Variants in ANGPTL4 observed in about 807,000 individuals in gnomAD.
ANGPTL4 encodes angiopoietin like 4.
In ANGPTL4, 39 loss-of-function variants were observed where a neutral mutation model predicts 39.2. The observed-to-expected ratio is 1.00, with a 90% CI of 0.77 to 1.30. The LOEUF (loss-of-function observed/expected upper bound fraction) is 1.30. ANGPTL4 is among the 50% of genes most tolerant of loss of function. ANGPTL4 has a pLI of 0.00. For synonymous variants in ANGPTL4, 233 were observed against 229.5 expected (o/e 1.02, Z -0.14); for missense variants, 545 against 549.8 (o/e 0.99, Z 0.09).
chr19:8,373,947 G>T lies in ANGPTL4; in HGVS notation c.*61G>T. 5 of 1,583,160 alleles carry T rather than the reference G, an allele frequency of 3.2e-6. No homozygotes were observed. Among genetic ancestry groups the T allele is most frequent in the Non-Finnish European group, 4.3e-6 (5 of 1,157,592 alleles). On this transcript the variant is annotated 3_prime_UTR_variant, in exon 7 of 7. Coordinates refer to ENST00000301455, the MANE Select transcript of ANGPTL4 (RefSeq NM_139314.3). ...ACGGTGACTCTTGGCTCTGCCCGAG[G>T]ATGTGGCCGTTCCCTGCCTGGGCAG...
In ANGPTL4 at chr19:8,364,289, C is replaced by G; in HGVS notation, c.-33C>G. 6.5e-7 allele frequency: 1 copy of G among 1,529,228 alleles called. No homozygotes were observed. The highest frequency in any genetic ancestry group is 1.4e-5 in the African/African-American group (1 of 73,072). The allele number at this position is 1,529,228 out of a possible 1,614,324, so 94.7% of individuals were successfully genotyped here. A position where few individuals can be genotyped will look rare whatever the true frequency, so the allele number is the denominator to read the frequency against. On this transcript the variant is annotated 5_prime_UTR_variant, in exon 1 of 7. Transcript: ENST00000301455. ...CTGGAACCCCAACGTCCCCGAGAGT[C>G]CCCGAATCCCCGCTCCCAGGCTACC...
At chr19:8,368,864 A>G (rs1228030106) in intron 3 of ANGPTL4, among the ~76,000 whole-genome samples, 2 of 152,210 alleles carry the variant, frequency 1.3e-5, no homozygotes, top group African/African-American at 2.4e-5. Context: ...AAAAAACAAA[A>G]CAAAAAAAGA....
intron 3 of ANGPTL4, among the ~76,000 whole-genome samples, chr19:8,367,143 A>G (rs1227434995): frequency 6.6e-6 from 1 of 151,788 alleles, no homozygotes; most frequent in Non-Finnish European, 1.5e-5. Context: ...GGCTTCCAGC[A>G]CTGTAGACCT....
rs759670983 is a variant in ANGPTL4 at position 8,374,282 on chromosome 19, G to T, written c.*396G>T. On this transcript the variant is annotated 3_prime_UTR_variant, in exon 7 of 7. Transcript: ENST00000301455. ...GCGCCCTCATGGTGCTGGTGCTGTT[G>T]TGTGTAGGTCCCCTGGGGACACAAG... 2.4e-5 allele frequency: 6 copies of T among 254,806 alleles called. No homozygotes were observed. The highest frequency in any genetic ancestry group is 3.9e-5 in the Non-Finnish European group (5 of 128,720). The allele number at this position is 254,806 out of a possible 1,614,324, so 15.8% of individuals were successfully genotyped here.
chr19:8,364,831 T>C (rs1970967892), intron 1 of ANGPTL4, among the ~76,000 whole-genome samples, 192 bp downstream of exon 1: 1 of 150,902 alleles, frequency 6.6e-6, no homozygotes, highest in South Asian at 2.1e-4. Flanking sequence ...CAAGACCACC[T>C]AAAGCAAAAT....
At position 8,373,904 on chromosome 19, in the gene ANGPTL4, G is replaced by C; in HGVS notation, c.*18G>C. 1 of 1,611,962 alleles carries C rather than the reference G, an allele frequency of 6.2e-7. No homozygotes were observed. The highest frequency in any genetic ancestry group is 8.5e-7 in the Non-Finnish European group (1 of 1,179,540). The stretch of plus-strand genomic sequence containing the variant: ...CCTCCTAGCGTCCTGGCTGGGCCTG[G>C]TCCCAGGCCCACGAAAGACGGTGAC... On this transcript the variant is annotated 3_prime_UTR_variant, in exon 7 of 7. Coordinates refer to ENST00000301455, the MANE Select transcript of ANGPTL4 (RefSeq NM_139314.3).
intron 3 of ANGPTL4, 121 bp from the exon 4 acceptor site, chr19:8,369,093 CATGAG>C (rs1858625757): frequency 1.4e-6 from 1 of 690,904 alleles, no homozygotes; most frequent in African/African-American, 1.8e-5. Flanking sequence ...GAGAGGTGGT[CATGAG>C]ATAAGATTTG....
At chr19:8,370,594 TG>T (rs931880002) in intron 4 of ANGPTL4, among the ~76,000 whole-genome samples, 30 of 146,226 alleles carry the variant, frequency 2.1e-4, no homozygotes, top group African/African-American at 7.1e-4. Flanking sequence ...CAGCTGCTTG[TG>T]GGGCTGAAGC....
Position 8,370,945 on chromosome 19 carries a change from G to A in ANGPTL4, c.662-111G>A, listed in dbSNP as rs558280430. On this transcript the variant is annotated intron_variant, in intron 4 of 6. Transcript: ENST00000301455. ...TCGAGTCCTCCAGGGATGAGTGAGG[G>A]AGCTGCTGTCTTCCTGGGTTTGGAG... 487 of 1,154,744 alleles carry A rather than the reference G, an allele frequency of 4.2e-4. 2 individuals carry two copies. Among genetic ancestry groups the A allele is most frequent in the Middle Eastern group, 2.7e-3 (14 of 5,126 alleles). 71.5% of individuals were successfully genotyped at this position (1,154,744 alleles called of 1,614,324 possible).
intron 6 of ANGPTL4, among the ~76,000 whole-genome samples, chr19:8,373,220 C>A (rs1225794492): frequency 6.6e-6 from 1 of 152,118 alleles, no homozygotes; most frequent in African/African-American, 2.4e-5. Flanking sequence ...ACCTGGCCAA[C>A]ATGGTGAAAC....
intron 4 of ANGPTL4, among the ~76,000 whole-genome samples, chr19:8,370,700 T>TAAAAA (rs33922743): frequency 1.0e-5 from 1 of 99,232 alleles, no homozygotes; most frequent in Non-Finnish European, 2.0e-5. Context: ...ACTCCATCTC[T>TAAAAA]AAAAAAAAAA....
chr19:8,364,927 C>T (rs1023713564), intron 1 of ANGPTL4, among the ~76,000 whole-genome samples: 8 of 151,860 alleles, frequency 5.3e-5, no homozygotes, highest in Non-Finnish European at 1.2e-4. Context: ...AATTAAAAAA[C>T]GACCGGGCGC....
Position 8,371,446 on chromosome 19 carries a change from C to G in ANGPTL4, c.963C>G (p.Gly321=). Residue 321 remains glycine, a synonymous_variant, in exon 6 of 7, where the codon GGC becomes GGG. Coordinates refer to ENST00000301455, the MANE Select transcript of ANGPTL4 (RefSeq NM_139314.3). The surrounding 1 kb of genome is among the most constrained non-coding windows in gnomAD (Gnocchi z 5.1). ...QLGATTVPPS[G]LSVPFSTWDQ... is the part of the protein sequence containing the mutation. ...GCGCCACCACCGTCCCACCCAGCGG[C>G]CTCTCCGTACCCTTCTCCACTTGGG... 1 of 1,613,432 alleles carries G rather than the reference C, an allele frequency of 6.2e-7. No individual in the cohort carries two copies. Among genetic ancestry groups the G allele is most frequent in the Non-Finnish European group, 8.5e-7 (1 of 1,180,024 alleles).
Position 8,366,042 on chromosome 19 carries a change from G to A in ANGPTL4, c.407G>A (p.Arg136Gln), listed in dbSNP as rs557133449. The A allele has an allele frequency of 1.8e-5, 29 of 1,613,988 alleles. No homozygotes were observed. Among genetic ancestry groups the A allele is most frequent in the Middle Eastern group, 1.6e-4 (1 of 6,084 alleles). Residue 136 changes from arginine (R) to glutamine (Q), a missense_variant, in exon 2 of 7, where the codon CGA (arginine) becomes CAA (glutamine). Coordinates refer to ENST00000301455, the MANE Select transcript of ANGPTL4 (RefSeq NM_139314.3). ...QQRHLEKQHL[R>Q]IQHLQSQFGL... ...CGGCACCTGGAGAAGCAGCACCTGC[G>A]AATTCAGCATCTGCAAAGCCAGGTA...
intron 3 of ANGPTL4, among the ~76,000 whole-genome samples, chr19:8,367,363 C>T (rs1295101217): frequency 6.6e-6 from 1 of 152,092 alleles, no homozygotes; most frequent in East Asian, 1.9e-4. Flanking sequence ...TCTGTGGGTT[C>T]GGGACTCCCA....
intron 3 of ANGPTL4, among the ~76,000 whole-genome samples, chr19:8,368,862 A>G (rs1971057760): frequency 6.6e-6 from 1 of 152,162 alleles, no homozygotes; most frequent in African/African-American, 2.4e-5. Flanking sequence ...TCAAAAAACA[A>G]AACAAAAAAA....
At chr19:8,372,503 C>CAAA (rs34569037) in intron 6 of ANGPTL4, among the ~76,000 whole-genome samples, 5 of 136,308 alleles carry the variant, frequency 3.7e-5, no homozygotes, top group African/African-American at 8.2e-5. Context: ...AAGCAATTCT[C>CAAA]AAAAAAAAAA....
chr19:8,370,454 T>C (rs545653176), intron 4 of ANGPTL4, among the ~76,000 whole-genome samples: 1 of 151,844 alleles, frequency 6.6e-6, no homozygotes, highest in African/African-American at 2.4e-5. Context: ...GGCTTACACC[T>C]GAAATGCCAG....
At chr19:8,369,360 C>T (rs1439674039) in intron 4 of ANGPTL4, 28 bp downstream of exon 4, 1 of 1,545,866 alleles carries the variant, frequency 6.5e-7, no homozygotes. Flanking sequence ...ACCAGGGGCC[C>T]CTCTCCCCAT....
Sources: gnomAD v4.1 joint callset for allele counts (sites outside exome capture counted in the v4.1 genomes callset) on GRCh38, gnomAD v4.1.1 for gene constraint, Gnocchi (gnomAD v3.1) non-coding constraint, MANE v1.5 for transcripts, NCBI Gene and HGNC (gene_info 2026-07-23, HGNC 2026-07-21) for gene names.